The following GARIN2 variants were observed in gnomAD, a reference collection of about 807,000 sequenced individuals.
The protein encoded by GARIN2 is Golgi-associated RAB2 interactor protein 2.
the GARIN2 span, among the ~76,000 whole-genome samples, chr14:67,194,094 G>T: frequency 6.6e-6 from 1 of 151,960 alleles, no homozygotes; most frequent in Non-Finnish European, 1.5e-5. Context: ...CAGGCACAGT[G>T]ACTCACACCT....
At chr14:67,201,522 G>C in the GARIN2 span, 1 of 455,950 alleles carries the variant, frequency 2.2e-6, no homozygotes, top group South Asian at 1.5e-5. Context: ...TCTGTCTCCT[G>C]GTGGCTCTGA....
At chr14:67,199,673 G>A in the GARIN2 span, 3 of 1,581,552 alleles carry the variant, frequency 1.9e-6, no homozygotes, top group Non-Finnish European at 2.6e-6. Context: ...CTCCCAGCCT[G>A]ACCGCCCTCA....
At chr14:67,217,720 G>T in the GARIN2 span, among the ~76,000 whole-genome samples, 1 of 152,070 alleles carries the variant, frequency 6.6e-6, no homozygotes, top group Non-Finnish European at 1.5e-5. Flanking sequence ...ATCTGTAAAA[G>T]ATTTTAATCT....
the GARIN2 span, among the ~76,000 whole-genome samples, chr14:67,212,894 T>C: frequency 2.1e-4 from 31 of 147,912 alleles, no homozygotes; most frequent in Middle Eastern, 3.4e-3. Context: ...TAGATACAAG[T>C]GCCAAGACAT....
At chr14:67,214,319 A>G in the GARIN2 span, among the ~76,000 whole-genome samples, 2 of 152,104 alleles carry the variant, frequency 1.3e-5, no homozygotes, top group East Asian at 3.8e-4. Context: ...TAAGTCTTTA[A>G]TCCATCTTGA....
At chr14:67,216,062 C>T in the GARIN2 span, among the ~76,000 whole-genome samples, 15 of 152,258 alleles carry the variant, frequency 9.9e-5, no homozygotes, top group Admixed American at 6.5e-5. Context: ...GTTCCACACA[C>T]GCCTCCCACC....
At chr14:67,199,295 C>T in the GARIN2 span, 4 of 1,603,900 alleles carry the variant, frequency 2.5e-6, no homozygotes, top group Non-Finnish European at 2.6e-6. Context: ...CATGATCAGA[C>T]TCTATGGGAA....
chr14:67,192,645 T>A, the GARIN2 span, among the ~76,000 whole-genome samples: 2 of 151,844 alleles, frequency 1.3e-5, no homozygotes, highest in African/African-American at 4.8e-5. Flanking sequence ...CACAATTATT[T>A]TGCCACTCTT....
At chr14:67,201,493 T>C in the GARIN2 span, 2 of 455,872 alleles carry the variant, frequency 4.4e-6, no homozygotes, top group South Asian at 1.5e-5. Flanking sequence ...GTAGAAGATA[T>C]TCATCTCATC....
chr14:67,226,372 G>T, the GARIN2 span, among the ~76,000 whole-genome samples: 2 of 144,762 alleles, frequency 1.4e-5, no homozygotes, highest in Non-Finnish European at 3.0e-5. Context: ...TTTTTGTTTT[G>T]TTTTTTTGAG....
the GARIN2 span, among the ~76,000 whole-genome samples, chr14:67,200,865 A>G: frequency 6.6e-6 from 1 of 152,228 alleles, no homozygotes; most frequent in Non-Finnish European, 1.5e-5. Context: ...GGGGGTAGTT[A>G]GCAGTCTATA....
At chr14:67,207,221 G>A in the GARIN2 span, among the ~76,000 whole-genome samples, 1 of 152,074 alleles carries the variant, frequency 6.6e-6, no homozygotes, top group Admixed American at 6.6e-5. Flanking sequence ...TGGCTCATGG[G>A]TCTGTAGGTG....
At chr14:67,190,526 T>C in the GARIN2 span, among the ~76,000 whole-genome samples, 1 of 152,234 alleles carries the variant, frequency 6.6e-6, no homozygotes, top group African/African-American at 2.4e-5. Context: ...CCCGGCCTGT[T>C]TTGAAATTTT....
chr14:67,209,204 T>G, the GARIN2 span, among the ~76,000 whole-genome samples: 1 of 152,188 alleles, frequency 6.6e-6, no homozygotes, highest in Non-Finnish European at 1.5e-5. Context: ...GCAAAAATGA[T>G]CAAGTCCATA....
chr14:67,192,046 T>C, the GARIN2 span, among the ~76,000 whole-genome samples: 1 of 152,240 alleles, frequency 6.6e-6, no homozygotes, highest in South Asian at 2.1e-4. Flanking sequence ...CAGCTAGTGC[T>C]AGAACGAGCT....
chr14:67,220,077 A>G, the GARIN2 span, among the ~76,000 whole-genome samples: 1 of 152,140 alleles, frequency 6.6e-6, no homozygotes, highest in Non-Finnish European at 1.5e-5. Flanking sequence ...AGTTATATAT[A>G]TTATTTTTCT....
chr14:67,205,391 T>A, the GARIN2 span, among the ~76,000 whole-genome samples: 2 of 152,156 alleles, frequency 1.3e-5, no homozygotes. Context: ...TCATATTACT[T>A]GTGTGACTTC....
the GARIN2 span, among the ~76,000 whole-genome samples, chr14:67,222,866 C>T: frequency 6.6e-6 from 1 of 152,056 alleles, no homozygotes; most frequent in East Asian, 1.9e-4. Flanking sequence ...AAAAAAAATA[C>T]TGCTTCAAAA....
At chr14:67,202,968 A>C in the GARIN2 span, 2 of 1,028,858 alleles carry the variant, frequency 1.9e-6, no homozygotes, top group Non-Finnish European at 2.8e-6. Context: ...GAGCAAGTGA[A>C]GGAACAAATA....
Sources: allele counts gnomAD v4.1 joint callset (sites outside exome capture counted in the v4.1 genomes callset), GRCh38; gene constraint gnomAD v4.1.1; transcripts MANE v1.5; gene names NCBI Gene and HGNC (gene_info 2026-07-23, HGNC 2026-07-21).